The following GTPBP10 variants were observed in gnomAD, a reference collection of about 807,000 sequenced individuals.
The protein encoded by GTPBP10 is GTP-binding protein 10.
In GTPBP10, 38 loss-of-function variants were observed where a neutral mutation model predicts 44.8. The ratio of observed to expected loss-of-function variants is 0.85; its 90% CI spans 0.65 to 1.11. GTPBP10 has a LOEUF of 1.11. GTPBP10 is among the 50% of genes most tolerant of loss of function. GTPBP10 has a pLI of 0.00. For synonymous variants in GTPBP10, 152 were observed against 150.6 expected (o/e 1.01, Z -0.07); for missense variants, 462 against 453.7 (o/e 1.02, Z -0.17).
chr7:90,356,116 T>G (rs1323250827), intron 4 of GTPBP10, among the ~76,000 whole-genome samples: 1 of 152,136 alleles, frequency 6.6e-6, no homozygotes, highest in Non-Finnish European at 1.5e-5. Context: ...CTTTCTAAGT[T>G]CTTTTCATGT....
intron 1 of GTPBP10, among the ~76,000 whole-genome samples, chr7:90,347,095 C>T (rs1007819878): frequency 6.6e-6 from 1 of 152,044 alleles, no homozygotes; most frequent in Non-Finnish European, 1.5e-5. Context: ...CCTTTAATGT[C>T]CACAGCCTGT....
At chr7:90,378,357 A>G (rs1796380053) in intron 8 of GTPBP10, 146 bp downstream of exon 8, 1 of 1,086,606 alleles carries the variant, frequency 9.2e-7, no homozygotes, top group East Asian at 2.9e-5. Context: ...TGTTGTCTCC[A>G]TTTCCTCTAC....
In GTPBP10 at chr7:90,363,110, A is replaced by C. The variant is rs1351158563; in HGVS notation, c.464+7880A>C. On this transcript the variant is annotated intron_variant, in intron 4 of 9. Transcript: ENST00000222511. ...TCCAATTTGCCAGTCTGTGTCTTTT[A>C]GTTGGAGCATTTAGCCCATTTACAT... Among the ~76,000 whole-genome samples the C allele has an allele frequency of 2.0e-5, 3 of 152,262 alleles. No homozygotes were observed. The South Asian group carries it at 6.2e-4, about 32-fold the overall frequency.
chr7:90,362,124 C>G (rs1796035575), intron 4 of GTPBP10, among the ~76,000 whole-genome samples: 1 of 151,476 alleles, frequency 6.6e-6, no homozygotes, highest in African/African-American at 2.4e-5. Flanking sequence ...TTTTGTGTCT[C>G]TATTTCCTTC....
At chr7:90,357,929 G>T (rs1468279493) in intron 4 of GTPBP10, among the ~76,000 whole-genome samples, 1 of 152,068 alleles carries the variant, frequency 6.6e-6, no homozygotes, top group Admixed American at 6.6e-5. Context: ...GCAAAGAGAA[G>T]TCTTAGCCAG....
intron 8 of GTPBP10, among the ~76,000 whole-genome samples, chr7:90,378,611 C>G (rs1041762802): frequency 6.6e-6 from 1 of 152,116 alleles, no homozygotes; most frequent in Non-Finnish European, 1.5e-5. Flanking sequence ...AGAGTTCTGT[C>G]CTAACCTTAT....
At chr7:90,366,724 A>AC (rs1359440679) in intron 4 of GTPBP10, among the ~76,000 whole-genome samples, 2 of 151,366 alleles carry the variant, frequency 1.3e-5, no homozygotes, top group Admixed American at 1.3e-4. Context: ...TCTTTCAAAA[A>AC]AAAAAAAACC....
chr7:90,384,258 T>C (rs1796484548), intron 9 of GTPBP10, among the ~76,000 whole-genome samples: 1 of 152,178 alleles, frequency 6.6e-6, no homozygotes, highest in South Asian at 2.1e-4. Flanking sequence ...GTCCAGCCTT[T>C]CTAGTTCATA....
intron 4 of GTPBP10, among the ~76,000 whole-genome samples, chr7:90,363,637 A>C (rs1796072820): frequency 6.6e-6 from 1 of 152,088 alleles, no homozygotes; most frequent in Admixed American, 6.5e-5. Context: ...TTTGAAGAAT[A>C]CCTTTGTGGT....
chr7:90,352,767 A>C, intron 1 of GTPBP10, 49 bp from the exon 2 acceptor site: 1 of 1,418,432 alleles, frequency 7.1e-7, no homozygotes, highest in Non-Finnish European at 9.5e-7. Flanking sequence ...AAAGGTTCTA[A>C]GGTGATACAC....
chr7:90,379,532 T>C (rs1315944179), intron 8 of GTPBP10, among the ~76,000 whole-genome samples: 1 of 152,230 alleles, frequency 6.6e-6, no homozygotes, highest in African/African-American at 2.4e-5. Context: ...ATGTGATTTC[T>C]CTCTAAGACA....
intron 1 of GTPBP10, among the ~76,000 whole-genome samples, chr7:90,350,598 C>A (rs1035014863): frequency 1.3e-5 from 2 of 152,122 alleles, no homozygotes; most frequent in African/African-American, 4.8e-5. Context: ...GGTAACCTTA[C>A]TTTTTCTTTT....
In GTPBP10 at chr7:90,355,018, G is replaced by A. The variant is rs918385848; in HGVS notation, c.320-68G>A. The stretch of plus-strand genomic sequence containing the variant: ...CATTTCTTTGCCTGTATTTCTGAAA[G>A]AAATATATTGCATTAGTGATTTCAC... On this transcript the variant is annotated intron_variant, in intron 3 of 9. Transcript: ENST00000222511. 6 of 989,402 alleles carry A rather than the reference G, an allele frequency of 6.1e-6. No homozygotes were observed. In the African/African-American group the frequency reaches 6.6e-5, roughly 11 times the overall value. 61.3% of individuals were successfully genotyped at this position (989,402 alleles called of 1,614,324 possible).
chr7:90,389,680 TA>T lies in GTPBP10; in HGVS notation c.*4529del, dbSNP rs1008786185. 1 of 152,224 alleles carries T rather than the reference TA, an allele frequency of 6.6e-6. No individual in the cohort carries two copies. Among genetic ancestry groups the T allele is most frequent in the South Asian group, 2.1e-4 (1 of 4,830 alleles). The allele number at this position is 152,224 out of a possible 1,614,324, so 9.4% of individuals were successfully genotyped here. The stretch of plus-strand genomic sequence containing the variant: ...GTTTATAACTCAAGAATTAATGAGA[TA>T]AACAGTGGACAAAAAGTGTTGGCAG... On this transcript the variant is annotated 3_prime_UTR_variant, in exon 10 of 10. Coordinates refer to ENST00000222511, the MANE Select transcript of GTPBP10 (RefSeq NM_033107.4).
chr7:90,384,238 A>G (rs1031191401), intron 9 of GTPBP10, among the ~76,000 whole-genome samples: 1 of 152,102 alleles, frequency 6.6e-6, no homozygotes, highest in Non-Finnish European at 1.5e-5. Context: ...TTCTCCACCA[A>G]TCTGTTTCAG....
intron 4 of GTPBP10, among the ~76,000 whole-genome samples, chr7:90,365,046 GA>G (rs1796103722): frequency 6.6e-6 from 1 of 152,164 alleles, no homozygotes; most frequent in African/African-American, 2.4e-5. Context: ...CCTTGGCTAG[GA>G]AAGGGAATTC....
In GTPBP10 at chr7:90,385,252, AG is replaced by A. The variant is rs1326974204; in HGVS notation, c.*99del. The A allele has an allele frequency of 3.6e-6, 3 of 823,210 alleles. No individual in the cohort carries two copies. The African/African-American group carries it at 5.2e-5, about 14-fold the overall frequency. The allele number at this position is 823,210 out of a possible 1,614,324, so 51.0% of individuals were successfully genotyped here. A position where few individuals can be genotyped will look rare whatever the true frequency, so the allele number is the denominator to read the frequency against. Reference sequence around the variant, plus strand: ...CCTGGAGGACATGTTAAGTAAAATAAGCCAGGCTTAGAAAGACAAATGCTGC... The same window carrying A: ...CCTGGAGGACATGTTAAGTAAAATAACCAGGCTTAGAAAGACAAATGCTGC... On this transcript the variant is annotated 3_prime_UTR_variant, in exon 10 of 10. Transcript: ENST00000222511.
intron 6 of GTPBP10, among the ~76,000 whole-genome samples, chr7:90,375,085 G>C (rs1796320668): frequency 6.6e-6 from 1 of 152,016 alleles, no homozygotes; most frequent in African/African-American, 2.4e-5. Context: ...AAAGACCTAG[G>C]GGAACCTTAA....
intron 1 of GTPBP10, among the ~76,000 whole-genome samples, chr7:90,351,233 C>T (rs369264424): frequency 2.6e-5 from 4 of 152,098 alleles, no homozygotes; most frequent in African/African-American, 9.7e-5. Flanking sequence ...GCAAATGCTG[C>T]CATGTAAGAT....
Sources: allele counts gnomAD v4.1 joint callset (sites outside exome capture counted in the v4.1 genomes callset), GRCh38; gene constraint gnomAD v4.1.1; transcripts MANE v1.5; gene names NCBI Gene and HGNC (gene_info 2026-07-23, HGNC 2026-07-21).